NFE2L3: variants seen among roughly 807,000 people sequenced by gnomAD.
The protein encoded by NFE2L3 is nuclear factor erythroid 2-related factor 3.
A neutral mutation model predicts 23.5 loss-of-function variants in NFE2L3; 18 were observed. The observed-to-expected ratio is 0.77, with a 90% CI of 0.53 to 1.13. The LOEUF (loss-of-function observed/expected upper bound fraction) is 1.13. Ranked by LOEUF, NFE2L3 falls within the 50% of genes most tolerant of loss-of-function variation. The pLI is 0.00. For synonymous variants in NFE2L3, 424 were observed against 354.5 expected (o/e 1.20, Z -2.20); for missense variants, 1,152 against 877.2 (o/e 1.31, Z -3.96).
At chr7:26,171,180 T>A (rs1420319541) in intron 1 of NFE2L3, among the ~76,000 whole-genome samples, 1 of 152,200 alleles carries the variant, frequency 6.6e-6, no homozygotes, top group Non-Finnish European at 1.5e-5. Flanking sequence ...TGCACACGTG[T>A]GCAAAGAAGT....
chr7:26,167,723 CAG>C (rs1300250512), intron 1 of NFE2L3, among the ~76,000 whole-genome samples: 1 of 151,992 alleles, frequency 6.6e-6, no homozygotes, highest in Non-Finnish European at 1.5e-5. Context: ...AGAAGAAAAA[CAG>C]AAAAAGAAAG....
At chr7:26,182,733 G>A (rs1782345681) in intron 2 of NFE2L3, among the ~76,000 whole-genome samples, 1 of 151,878 alleles carries the variant, frequency 6.6e-6, no homozygotes, top group Non-Finnish European at 1.5e-5. Flanking sequence ...AAGGCCAGGA[G>A]TGAGATGAAG....
intron 1 of NFE2L3, among the ~76,000 whole-genome samples, chr7:26,177,492 CG>C (rs1312101798): frequency 6.6e-6 from 1 of 152,012 alleles, no homozygotes; most frequent in Admixed American, 6.5e-5. Context: ...AGGCACTGGG[CG>C]GGCCGAGGCA....
chr7:26,170,670 C>T (rs1425283497), intron 1 of NFE2L3, among the ~76,000 whole-genome samples: 1 of 152,182 alleles, frequency 6.6e-6, no homozygotes, highest in Non-Finnish European at 1.5e-5. Context: ...GGATTTCTTT[C>T]AAATATTCCA....
chr7:26,181,129 C>G (rs1326520508), intron 2 of NFE2L3, among the ~76,000 whole-genome samples: 2 of 152,042 alleles, frequency 1.3e-5, no homozygotes, highest in African/African-American at 2.4e-5. Flanking sequence ...GTGCACACCA[C>G]CATGCCCAGC....
At position 26,185,501 on chromosome 7, in the gene NFE2L3, C is replaced by T. The variant is rs780739198; in HGVS notation, c.1803C>T (p.Asp601=). ...AGAACTGTCGTAAACGCAAATTGGA[C>T]ATAATTTTGAATTTAGAAGATGATG... ...AAQNCRKRKL[D]IILNLEDDVC... Residue 601 remains aspartate, a synonymous_variant, in exon 4 of 4, where the codon GAC becomes GAT. Transcript: ENST00000056233. 6.2e-7 allele frequency: 1 copy of T among 1,613,778 alleles called. No individual in the cohort carries two copies. The highest frequency in any genetic ancestry group is 8.5e-7 in the Non-Finnish European group (1 of 1,179,862).
At chr7:26,156,650 T>C (rs1174196419) in intron 1 of NFE2L3, among the ~76,000 whole-genome samples, 1 of 152,326 alleles carries the variant, frequency 6.6e-6, no homozygotes, top group South Asian at 2.1e-4. Flanking sequence ...ATTGAATGTG[T>C]AAACGTATGG....
chr7:26,171,454 G>C (rs1377208099), intron 1 of NFE2L3, among the ~76,000 whole-genome samples: 1 of 151,818 alleles, frequency 6.6e-6, no homozygotes, highest in Non-Finnish European at 1.5e-5. Flanking sequence ...TGAGGCAGGA[G>C]AATCGCTGGA....
At chr7:26,155,373 C>CG (rs1310771342) in intron 1 of NFE2L3, among the ~76,000 whole-genome samples, 2 of 152,044 alleles carry the variant, frequency 1.3e-5, no homozygotes, top group Non-Finnish European at 2.9e-5. Flanking sequence ...ATCTGGGCGG[C>CG]GGAGGTTGCA....
chr7:26,165,883 G>T (rs1248238970), intron 1 of NFE2L3, among the ~76,000 whole-genome samples: 1 of 152,034 alleles, frequency 6.6e-6, no homozygotes, highest in African/African-American at 2.4e-5. Context: ...GTCAAAGCTG[G>T]CCAGGATTCT....
Position 26,185,024 on chromosome 7 carries a change from T to C in NFE2L3, c.1326T>C (p.Cys442=). 1 of 1,613,880 alleles carries C rather than the reference T, an allele frequency of 6.2e-7. No individual in the cohort carries two copies. Among genetic ancestry groups the C allele is most frequent in the Non-Finnish European group, 8.5e-7 (1 of 1,179,818 alleles). ...VIKSNSSHSV[C]DEGAIGYCTD... ...AGTCTAATTCCTCTCACTCTGTGTGTGATGAAGGTGCTATAGGTTATTGCA... is the reference window on the plus strand; with the variant it reads ...AGTCTAATTCCTCTCACTCTGTGTGCGATGAAGGTGCTATAGGTTATTGCA... Residue 442 remains cysteine, a synonymous_variant, in exon 4 of 4, where the codon TGT becomes TGC. Transcript: ENST00000056233.
At position 26,185,881 on chromosome 7, in the gene NFE2L3, T is replaced by G. The variant is rs1782472315; in HGVS notation, c.*98T>G. ...TTGAAACTGCTTCAAGAATTGTATC[T>G]TTAAGTACTGCTACTTGAATAACTC... On this transcript the variant is annotated 3_prime_UTR_variant, in exon 4 of 4. Transcript: ENST00000056233. 2 of 968,956 alleles carry G rather than the reference T, an allele frequency of 2.1e-6. No homozygotes were observed. The highest frequency in any genetic ancestry group is 3.7e-5 in the South Asian group (2 of 54,620). The allele number at this position is 968,956 out of a possible 1,614,324, so 60.0% of individuals were successfully genotyped here. A position where few individuals can be genotyped will look rare whatever the true frequency, so the allele number is the denominator to read the frequency against.
At chr7:26,183,345 C>T (rs538883061) in intron 2 of NFE2L3, among the ~76,000 whole-genome samples, 1 of 151,680 alleles carries the variant, frequency 6.6e-6, no homozygotes, top group South Asian at 2.1e-4. Flanking sequence ...GTCAAAAGTT[C>T]GAGACCAACT....
At chr7:26,155,502 A>C (rs1784067462) in intron 1 of NFE2L3, among the ~76,000 whole-genome samples, 1 of 152,186 alleles carries the variant, frequency 6.6e-6, no homozygotes, top group African/African-American at 2.4e-5. Context: ...GATTTGGCTA[A>C]AGCCACATGT....
chr7:26,184,325 T>C (rs539031971), intron 3 of NFE2L3: 83 of 528,340 alleles, frequency 1.6e-4, no homozygotes, highest in Middle Eastern at 5.0e-4. Flanking sequence ...TCTTAATTTC[T>C]AGGTTACTCA....
At chr7:26,170,035 G>C (rs753527675) in intron 1 of NFE2L3, among the ~76,000 whole-genome samples, 4 of 152,118 alleles carry the variant, frequency 2.6e-5, no homozygotes, top group Admixed American at 6.5e-5. Flanking sequence ...TCACCATATG[G>C]GATAGTCCTG....
intron 1 of NFE2L3, among the ~76,000 whole-genome samples, chr7:26,159,117 T>C (rs76778366): frequency 2.6e-5 from 4 of 152,250 alleles, no homozygotes; most frequent in Admixed American, 2.0e-4. Context: ...TGCCTACTTA[T>C]TCAGTATTTT....
chr7:26,158,194 G>T (rs1379659145), intron 1 of NFE2L3, among the ~76,000 whole-genome samples: 1 of 152,026 alleles, frequency 6.6e-6, no homozygotes, highest in Non-Finnish European at 1.5e-5. Context: ...GATTACAGGC[G>T]CCTGCCACCA....
chr7:26,169,686 A>G (rs1243738655), intron 1 of NFE2L3, among the ~76,000 whole-genome samples: 1 of 152,238 alleles, frequency 6.6e-6, no homozygotes, highest in Non-Finnish European at 1.5e-5. Context: ...CTCTCAAGAA[A>G]GAAAAGTTGA....
Sources: allele counts gnomAD v4.1 joint callset (sites outside exome capture counted in the v4.1 genomes callset), GRCh38; gene constraint gnomAD v4.1.1; transcripts MANE v1.5; gene names NCBI Gene and HGNC (gene_info 2026-07-23, HGNC 2026-07-21).